The following PRH1 variants were observed in gnomAD, a reference collection of about 807,000 sequenced individuals.
The protein encoded by PRH1 is salivary acidic proline-rich phosphoprotein 1/2.
Under a neutral mutation model 7.9 loss-of-function variants are expected in PRH1, and 7 were observed. The ratio of observed to expected loss-of-function variants is 0.89; its 90% CI spans 0.50 to 1.67. PRH1 has a LOEUF of 1.67. PRH1 is among the 40% of genes most tolerant of loss of function. The pLI is 0.00. For missense variants in PRH1, 109 were observed against 223.6 expected, an observed-to-expected ratio of 0.49 and a Z score of 3.27; for synonymous variants, 45 against 80.8, an observed-to-expected ratio of 0.56 and a Z score of 2.38.
chr12:10,962,781 G>GT lies in PRH1; in HGVS notation c.-59+10873dup, dbSNP rs1186159738. 9.2e-5 allele frequency among the ~76,000 whole-genome samples: 14 copies of GT among 152,306 alleles called. No homozygotes were observed. In the East Asian group the frequency reaches 2.3e-3, roughly 25 times the overall value. On this transcript the variant is annotated intron_variant, in intron 2 of 3. Coordinates refer to the PRH1 transcript ENST00000539853. ...AGGATCTCTGTTTTTTGTTGTTGTT[G>GT]TTTTTTGAGACGGAGTCTCGCTCTG... is the stretch of plus-strand genomic sequence containing the variant.
chr12:11,061,556 T>C (rs757304666), intron 1 of PRH1: 11 of 1,614,004 alleles, frequency 6.8e-6, no homozygotes, highest in Admixed American at 1.7e-5. Context: ...CAAACTGACA[T>C]GATTATGGAC....
At chr12:11,001,762 A>G (rs187196329) in intron 1 of PRH1, among the ~76,000 whole-genome samples, 7 of 152,306 alleles carry the variant, frequency 4.6e-5, no homozygotes, top group Admixed American at 1.3e-4. Flanking sequence ...TTATAAATCA[A>G]TTATTTAAAT....
chr12:10,921,243 A>G (rs961599588), intron 2 of PRH1, among the ~76,000 whole-genome samples: 7 of 152,072 alleles, frequency 4.6e-5, no homozygotes, highest in Non-Finnish European at 1.0e-4. Flanking sequence ...AGTTTGGAGA[A>G]GGTAAAAATT....
intron 2 of PRH1, chr12:10,909,035 G>C (rs369113362): frequency 1.2e-6 from 2 of 1,613,486 alleles, no homozygotes; most frequent in Non-Finnish European, 1.7e-6. Flanking sequence ...AAACTATCCA[G>C]CTAAAAATCA....
intron 2 of PRH1, among the ~76,000 whole-genome samples, chr12:10,972,556 T>C (rs10845263): frequency 0.24 from 36,877 of 152,030 alleles, 4,480 homozygotes; most frequent in Non-Finnish European, 0.25. Flanking sequence ...AAGCTGATTT[T>C]TCACTTGCAA....
chr12:11,144,904 C>G (rs974220503), intron 1 of PRH1, among the ~76,000 whole-genome samples: 2 of 152,194 alleles, frequency 1.3e-5, no homozygotes, highest in Non-Finnish European at 2.9e-5. Flanking sequence ...GAGGGTCTCC[C>G]TTTCCTACTC....
intron 1 of PRH1, among the ~76,000 whole-genome samples, chr12:11,068,486 A>G (rs897625025): frequency 5.3e-5 from 8 of 152,210 alleles, no homozygotes; most frequent in Non-Finnish European, 1.2e-4. Flanking sequence ...ATAGTATTCC[A>G]TTGTATAAGT....
chr12:11,051,425 TTAA>T (rs1403389161), upstream of PRH1, among the ~76,000 whole-genome samples: 1 of 152,202 alleles, frequency 6.6e-6, no homozygotes, highest in Non-Finnish European at 1.5e-5. Flanking sequence ...TTTCTTCTGA[TTAA>T]TAATTTTTAT....
intron 1 of PRH1, among the ~76,000 whole-genome samples, chr12:11,045,175 G>T (rs1942858874): frequency 6.6e-6 from 1 of 151,852 alleles, no homozygotes; most frequent in South Asian, 2.1e-4. Flanking sequence ...TAGAATTGGA[G>T]ATTATTATGT....
At chr12:10,968,767 C>T (rs1938638967) in intron 2 of PRH1, among the ~76,000 whole-genome samples, 1 of 152,228 alleles carries the variant, frequency 6.6e-6, no homozygotes, top group Non-Finnish European at 1.5e-5. Context: ...TGCAGGAGCA[C>T]TTTTGGATGC....
intron 1 of PRH1, among the ~76,000 whole-genome samples, chr12:11,111,438 T>A (rs924180296): frequency 6.6e-6 from 1 of 152,116 alleles, no homozygotes; most frequent in East Asian, 1.9e-4. Flanking sequence ...ACAAAATAAA[T>A]CATAACAAAC....
intron 2 of PRH1, chr12:10,938,162 C>T (rs1950320142): frequency 2.3e-6 from 2 of 878,358 alleles, no homozygotes; most frequent in Admixed American, 3.1e-5. Flanking sequence ...TTGTAAAATT[C>T]ACAAAGTTAT....
intron 1 of PRH1, chr12:11,134,457 T>C: frequency 1.7e-6 from 1 of 586,172 alleles, no homozygotes; most frequent in African/African-American, 1.9e-5. Flanking sequence ...GAAAACATTC[T>C]TATTTTCAAA....
rs1051430122 is a variant in PRH1, at chr12:10,973,747, A to G, written c.-125-26T>C. On this transcript the variant is annotated intron_variant, in intron 1 of 3. Coordinates refer to the PRH1 transcript ENST00000539853. ...CTAGGATAAGATAAATAAAAGGCCA[A>G]AATTATATTTTCAATTCATCGGAGA... is the stretch of plus-strand genomic sequence containing the variant. 7 of 777,860 alleles carry G rather than the reference A, an allele frequency of 9.0e-6. No individual in the cohort carries two copies. The East Asian group carries it at 9.7e-5, about 11-fold the overall frequency. The allele number at this position is 777,860 out of a possible 1,614,324, so 48.2% of individuals were successfully genotyped here. A position where few individuals can be genotyped will look rare whatever the true frequency, so the allele number is the denominator to read the frequency against.
In PRH1 at chr12:11,029,749, C is replaced by T. The variant is rs572580048; in HGVS notation, c.-126+17271G>A. ...TATGAAATCTAATATTCCTCAGTAC[C>T]GCTTATGGTAGACATACATTAAATT... On this transcript the variant is annotated intron_variant, in intron 1 of 3. Transcript: ENST00000539853. 8.2e-4 allele frequency among the ~76,000 whole-genome samples: 125 copies of T among 152,068 alleles called. 1 individual carries two copies. The highest frequency in any genetic ancestry group is 3.9e-4 in the East Asian group (2 of 5,186).
chr12:10,975,059 C>A (rs1293658143), intron 1 of PRH1, among the ~76,000 whole-genome samples: 1 of 152,068 alleles, frequency 6.6e-6, no homozygotes, highest in Non-Finnish European at 1.5e-5. Flanking sequence ...ACGAAGGAAC[C>A]AAACTGATCT....
At chr12:11,125,516 T>C (rs572344587) in intron 1 of PRH1, among the ~76,000 whole-genome samples, 1 of 152,416 alleles carries the variant, frequency 6.6e-6, no homozygotes, top group Non-Finnish European at 1.5e-5. Flanking sequence ...TACATATGTT[T>C]TATGCCTTAA....
chr12:11,103,529 G>C (rs992611352), intron 1 of PRH1, among the ~76,000 whole-genome samples: 1 of 151,118 alleles, frequency 6.6e-6, no homozygotes, highest in Non-Finnish European at 1.5e-5. Flanking sequence ...TCACACTCTG[G>C]GGCCTGTTGT....
chr12:10,884,032 A>G (rs774124672), intron 1 of PRH1, 122 bp downstream of exon 1: 22 of 1,159,752 alleles, frequency 1.9e-5, no homozygotes, highest in Admixed American at 6.4e-5. Context: ...GATCCTCAGC[A>G]TGAGAACTCT....
Sources: allele counts gnomAD v4.1 joint callset (sites outside exome capture counted in the v4.1 genomes callset), GRCh38; gene constraint gnomAD v4.1.1; transcripts MANE v1.5; gene names NCBI Gene and HGNC (gene_info 2026-07-23, HGNC 2026-07-21).